FBXW7: variants seen among roughly 807,000 people sequenced by gnomAD.
FBXW7 encodes F-box/WD repeat-containing protein 7.
A neutral mutation model predicts 86.3 loss-of-function variants in FBXW7; 11 were observed. The observed-to-expected ratio is 0.13, with a 90% CI of 0.08 to 0.21. The LOEUF (loss-of-function observed/expected upper bound fraction) is 0.21. Among genes scored for constraint, FBXW7 ranks in the 10% least tolerant of loss-of-function variants. FBXW7 has a pLI of 1.00. For synonymous variants in FBXW7, 313 were observed against 297.9 expected, an observed-to-expected ratio of 1.05 and a Z score of -0.52; for missense variants, 488 against 847.4, an observed-to-expected ratio of 0.58 and a Z score of 5.27.
At chr4:152,341,796 T>G (rs991470813) in intron 6 of FBXW7, among the ~76,000 whole-genome samples, 1 of 152,228 alleles carries the variant, frequency 6.6e-6, no homozygotes, top group Non-Finnish European at 1.5e-5. Flanking sequence ...AGCTAATGAC[T>G]ATCTACGTGT....
intron 11 of FBXW7, among the ~76,000 whole-genome samples, chr4:152,327,690 T>C (rs1369606953): frequency 6.6e-6 from 1 of 152,014 alleles, no homozygotes; most frequent in African/African-American, 2.4e-5. Context: ...AAGGACTATA[T>C]GTCAGCTGTA....
At chr4:152,523,549 A>G (rs1180587169) in intron 2 of FBXW7, among the ~76,000 whole-genome samples, 1 of 152,112 alleles carries the variant, frequency 6.6e-6, no homozygotes, top group Non-Finnish European at 1.5e-5. Flanking sequence ...TGGGGACTGA[A>G]AGTTTTGAGA....
chr4:152,427,978 C>T (rs1358358034), intron 2 of FBXW7, among the ~76,000 whole-genome samples: 3 of 152,142 alleles, frequency 2.0e-5, no homozygotes, highest in South Asian at 2.1e-4. Context: ...TAAGGACCAT[C>T]GACCCTATTC....
At chr4:152,513,433 AC>A (rs1356400936) in intron 2 of FBXW7, among the ~76,000 whole-genome samples, 2 of 152,174 alleles carry the variant, frequency 1.3e-5, no homozygotes, top group East Asian at 3.8e-4. Flanking sequence ...ACTCACAGAG[AC>A]CCTATTGGAG....
At chr4:152,350,854 ATGCC>A (rs1251793539) in intron 4 of FBXW7, among the ~76,000 whole-genome samples, 10 of 151,970 alleles carry the variant, frequency 6.6e-5, no homozygotes, top group Non-Finnish European at 1.3e-4. Flanking sequence ...AGAATCAGTT[ATGCC>A]TCTTCTATAA....
At chr4:152,363,801 T>A (rs1203080858) in intron 4 of FBXW7, among the ~76,000 whole-genome samples, 1 of 152,130 alleles carries the variant, frequency 6.6e-6, no homozygotes. Flanking sequence ...ATCTCTATTT[T>A]ACAGATGAGG....
chr4:152,452,975 A>G (rs111645189), intron 2 of FBXW7, among the ~76,000 whole-genome samples: 1 of 152,126 alleles, frequency 6.6e-6, no homozygotes, highest in Non-Finnish European at 1.5e-5. Flanking sequence ...TGAGGTCAGG[A>G]GTTTGAGACC....
chr4:152,432,659 A>T (rs1470878866), intron 2 of FBXW7, among the ~76,000 whole-genome samples: 1 of 152,098 alleles, frequency 6.6e-6, no homozygotes, highest in East Asian at 1.9e-4. Context: ...ACACAAAAAA[A>T]AAATTAGCCG....
intron 2 of FBXW7, among the ~76,000 whole-genome samples, chr4:152,492,465 A>C (rs896314936): frequency 6.6e-6 from 1 of 152,236 alleles, no homozygotes; most frequent in Admixed American, 6.5e-5. Context: ...GTGGTATTCC[A>C]AAGTGGCTCT....
At chr4:152,421,163 T>C (rs1011276389) in intron 2 of FBXW7, among the ~76,000 whole-genome samples, 6 of 152,154 alleles carry the variant, frequency 3.9e-5, no homozygotes, top group African/African-American at 1.4e-4. Context: ...AGACAGCTTA[T>C]TTCCTTAAAC....
intron 6 of FBXW7, among the ~76,000 whole-genome samples, chr4:152,346,591 T>C (rs1317901859): frequency 6.6e-6 from 1 of 152,192 alleles, no homozygotes; most frequent in Non-Finnish European, 1.5e-5. Flanking sequence ...TATATTCACC[T>C]TGCTGTGCAA....
In FBXW7 at chr4:152,536,062, C is replaced by G. The variant is rs1050449456; in HGVS notation, c.-1148G>C. ...AGCTCAGCTCGCTGTCTCCCTCGCT[C>G]TGTGCGGGGCTCTCGCCTCACTCCA... On this transcript the variant is annotated 5_prime_UTR_variant, in exon 1 of 14. Coordinates refer to ENST00000281708, the MANE Select transcript of FBXW7 (RefSeq NM_001349798.2). The G allele has an allele frequency of 5.6e-6, 1 of 177,040 alleles. No homozygotes were observed. Among genetic ancestry groups the G allele is most frequent in the Admixed American group, 6.4e-5 (1 of 15,656 alleles). 11.0% of individuals were successfully genotyped at this position (177,040 alleles called of 1,614,324 possible). A position where few individuals can be genotyped will look rare whatever the true frequency, so the allele number is the denominator to read the frequency against.
In FBXW7 at chr4:152,411,720, T is replaced by C. The variant is rs1329819348; in HGVS notation, c.84A>G (p.Val28=). 1.2e-6 allele frequency: 2 copies of C among 1,613,642 alleles called. No individual in the cohort carries two copies. Among genetic ancestry groups the C allele is most frequent in the Non-Finnish European group, 1.7e-6 (2 of 1,179,836 alleles). ...SLRGNPSSSQ[V]DEEQMNRVVE... ...CCACACGATTCATCTGTTCTTCATC[T>C]ACCTGGCTTGAGGAAGGGTTACCTC... Residue 28 remains valine, a synonymous_variant, in exon 4 of 14, where the codon GTA becomes GTG. Coordinates refer to ENST00000281708, the MANE Select transcript of FBXW7 (RefSeq NM_001349798.2).
At chr4:152,532,133 T>C (rs1561008843) in intron 2 of FBXW7, among the ~76,000 whole-genome samples, 1 of 152,260 alleles carries the variant, frequency 6.6e-6, no homozygotes, top group Non-Finnish European at 1.5e-5. Flanking sequence ...ATTTTCAGTA[T>C]ATTACCTGCT....
At chr4:152,340,575 C>CAAAAAAAAAAAAAAAAAAA (rs556530800) in intron 6 of FBXW7, among the ~76,000 whole-genome samples, 1 of 31,914 alleles carries the variant, frequency 3.1e-5, no homozygotes, top group Non-Finnish European at 6.2e-5. Flanking sequence ...AACTCCATCT[C>CAAAAAAAAAAAAAAAAAAA]AAAAAAAAAA....
intron 2 of FBXW7, among the ~76,000 whole-genome samples, chr4:152,533,063 G>A (rs993682116): frequency 2.6e-5 from 4 of 152,068 alleles, no homozygotes; most frequent in African/African-American, 9.7e-5. Context: ...GGTAGCACAT[G>A]CCTGTAGTCC....
intron 4 of FBXW7, chr4:152,382,570 T>A: frequency 1.1e-6 from 1 of 918,254 alleles, no homozygotes; most frequent in Non-Finnish European, 1.4e-6. Context: ...ACTACTGAAG[T>A]GAAAGCTCCT....
chr4:152,342,646 CACATG>C (rs1475538002), intron 6 of FBXW7, among the ~76,000 whole-genome samples: 1 of 152,214 alleles, frequency 6.6e-6, no homozygotes, highest in African/African-American at 2.4e-5. Flanking sequence ...GCACCTCTAG[CACATG>C]GTTATCCAGT....
chr4:152,427,066 C>T (rs1739453384), intron 2 of FBXW7, among the ~76,000 whole-genome samples: 1 of 152,014 alleles, frequency 6.6e-6, no homozygotes, highest in Admixed American at 6.6e-5. Flanking sequence ...TAAAGTCATG[C>T]CACATGAGGA....
Sources: allele counts gnomAD v4.1 joint callset (sites outside exome capture counted in the v4.1 genomes callset), GRCh38; gene constraint gnomAD v4.1.1; transcripts MANE v1.5; gene names NCBI Gene and HGNC (gene_info 2026-07-23, HGNC 2026-07-21).